The following ZNF264 variants were observed in gnomAD, a reference collection of about 807,000 sequenced individuals.
The protein encoded by ZNF264 is zinc finger protein 264.
A neutral mutation model predicts 11.2 loss-of-function variants in ZNF264; 11 were observed. The observed-to-expected ratio is 0.98, with a 90% confidence interval of 0.62 to 1.63. The LOEUF is 1.63. ZNF264 is among the 40% of genes most tolerant of loss of function. The probability of loss-of-function intolerance (pLI) is 0.00; values close to 1 mark genes in which losing one functional copy is unlikely to be tolerated. For missense variants in ZNF264, 752 were observed against 768.1 expected (o/e 0.98, Z 0.25); for synonymous variants, 309 against 279.8 (o/e 1.10, Z -1.04).
At chr19:57,207,520 A>G (rs1191498212) in intron 3 of ZNF264, among the ~76,000 whole-genome samples, 1 of 135,474 alleles carries the variant, frequency 7.4e-6, no homozygotes, top group Non-Finnish European at 1.6e-5. Flanking sequence ...ACCTAAAAAT[A>G]TGCTTGTTTC....
intron 2 of ZNF264, among the ~76,000 whole-genome samples, chr19:57,203,181 C>G (rs1310509900): frequency 6.6e-6 from 1 of 152,090 alleles, no homozygotes; most frequent in Admixed American, 6.6e-5. Context: ...TGAGTAATTT[C>G]AGTGAGGTTT....
chr19:57,219,144 C>T lies in ZNF264; in HGVS notation c.*6163C>T, dbSNP rs181866930. ...CTGCACTCCAGCCTGGGCAACAGAG[C>T]GAGACTCCATCTCAAAAAAAAAAAA... is the stretch of plus-strand genomic sequence containing the variant. On this transcript the variant is annotated 3_prime_UTR_variant, in exon 4 of 4. Coordinates refer to ENST00000263095, the MANE Select transcript of ZNF264 (RefSeq NM_003417.5). 9.9e-4 allele frequency: 150 copies of T among 152,020 alleles called. No homozygotes were observed. Among genetic ancestry groups the T allele is most frequent in the African/African-American group, 2.7e-3 (113 of 41,254 alleles). 9.4% of individuals were successfully genotyped at this position (152,020 alleles called of 1,614,324 possible).
intron 2 of ZNF264, among the ~76,000 whole-genome samples, chr19:57,199,253 T>C (rs2087234183): frequency 6.6e-6 from 1 of 152,004 alleles, no homozygotes; most frequent in Non-Finnish European, 1.5e-5. Flanking sequence ...TTCCAACTGC[T>C]GGATCTGGCA....
At position 57,191,896 on chromosome 19, in the gene ZNF264, G is replaced by A. The variant is rs775439838; in HGVS notation, c.-18G>A. 31 of 1,457,516 alleles carry A rather than the reference G, an allele frequency of 2.1e-5. No homozygotes were observed. Among genetic ancestry groups the A allele is most frequent in the Admixed American group, 4.4e-5 (2 of 45,050 alleles). The allele number at this position is 1,457,516 out of a possible 1,614,324, so 90.3% of individuals were successfully genotyped here. On this transcript the variant is annotated 5_prime_UTR_variant, in exon 1 of 4. Transcript: ENST00000263095. ...CGGGGCTCCTCTGTCCCAGCTCTGC[G>A]GCCCAGGGGGTGACGTGATGGCGGC... is the stretch of plus-strand genomic sequence containing the variant.
At chr19:57,205,982 G>T (rs1250559273) in intron 3 of ZNF264, among the ~76,000 whole-genome samples, 1 of 152,198 alleles carries the variant, frequency 6.6e-6, no homozygotes, top group African/African-American at 2.4e-5. Flanking sequence ...CAGGACCCAG[G>T]TTCCTTCTGT....
At position 57,191,929 on chromosome 19, in the gene ZNF264, C is replaced by T. The variant is rs758040216; in HGVS notation, c.16C>T (p.Leu6=). 1.3e-6 allele frequency: 2 copies of T among 1,534,748 alleles called. No homozygotes were observed. Among genetic ancestry groups the T allele is most frequent in the African/African-American group, 2.8e-5 (2 of 71,180 alleles). Residue 6 remains leucine, a synonymous_variant, in exon 1 of 4, where the codon CTG becomes TTG. Coordinates refer to ENST00000263095, the MANE Select transcript of ZNF264 (RefSeq NM_003417.5). MAAAV[L]TDRAQVSVTF... is the part of the protein sequence containing the mutation. ...GGGTGACGTGATGGCGGCAGCGGTG[C>T]TGACGGACCGGGCCCAGGTGAGTGG... is the stretch of plus-strand genomic sequence containing the variant.
Position 57,214,094 on chromosome 19 carries a change from TG to T in ZNF264, c.*1114del, listed in dbSNP as rs2087361915. On this transcript the variant is annotated 3_prime_UTR_variant, in exon 4 of 4. Coordinates refer to ENST00000263095, the MANE Select transcript of ZNF264 (RefSeq NM_003417.5). ...TTGTTTTGCTACCCTGCAACCTTAT[TG>T]AGTTCACTTATTATTTTTAGCTATT... The T allele has an allele frequency of 6.6e-6, 1 of 152,216 alleles. No homozygotes were observed. The highest frequency in any genetic ancestry group is 6.5e-5 in the Admixed American group (1 of 15,280). The allele number at this position is 152,216 out of a possible 1,614,324, so 9.4% of individuals were successfully genotyped here.
At chr19:57,200,510 G>A (rs1489401635) in intron 2 of ZNF264, among the ~76,000 whole-genome samples, 2 of 149,038 alleles carry the variant, frequency 1.3e-5, no homozygotes, top group Non-Finnish European at 3.0e-5. Context: ...CCCGACCTTT[G>A]GGTCTTGTCT....
rs752194510 is a variant in ZNF264 at position 57,211,767 on chromosome 19, A to T, written c.670A>T (p.Ile224Phe). The change falls in exon 4 of 4, where the codon ATT (isoleucine) becomes TTT (phenylalanine). Residue 224 changes from isoleucine (I) to phenylalanine (F), a missense_variant. Physicochemically the swap from Ile to Phe is conservative, Grantham distance 21 (BLOSUM62 0). Transcript: ENST00000263095. ...ACACCTCCTTGCTGGACATGAGAAA[A>T]TTCACTCTGGAGTTAAGCCCTATGA... ...KKHLLAGHEK[I>F]HSGVKPYECT... The T allele has an allele frequency of 1.2e-5, 20 of 1,614,096 alleles. No individual in the cohort carries two copies. Among genetic ancestry groups the T allele is most frequent in the Non-Finnish European group, 1.6e-5 (19 of 1,180,050 alleles).
intron 3 of ZNF264, among the ~76,000 whole-genome samples, chr19:57,206,256 T>C (rs1020418024): frequency 6.6e-6 from 1 of 152,148 alleles, no homozygotes; most frequent in African/African-American, 2.4e-5. Context: ...AAATCTTTTT[T>C]TTTTTGAGAC....
At chr19:57,204,450 A>G (rs905552125) in intron 2 of ZNF264, among the ~76,000 whole-genome samples, 10 of 152,158 alleles carry the variant, frequency 6.6e-5, no homozygotes, top group Admixed American at 5.9e-4. Context: ...GGTTTTTCCC[A>G]TGGTGTTGTC....
At chr19:57,207,220 C>G (rs1256183250) in intron 3 of ZNF264, among the ~76,000 whole-genome samples, 5 of 152,146 alleles carry the variant, frequency 3.3e-5, no homozygotes, top group African/African-American at 1.2e-4. Context: ...AACCCCTCCA[C>G]CTCCATGAGT....
chr19:57,200,544 CTCTTGTG>C (rs1423712633), intron 2 of ZNF264, among the ~76,000 whole-genome samples: 3 of 86,868 alleles, frequency 3.5e-5, no homozygotes, highest in Non-Finnish European at 6.6e-5. Context: ...TGTCTCTTGT[CTCTTGTG>C]TCTTGTGTCT....
At chr19:57,204,852 G>A (rs776857543) in intron 2 of ZNF264, among the ~76,000 whole-genome samples, 25 of 152,124 alleles carry the variant, frequency 1.6e-4, no homozygotes, top group African/African-American at 5.3e-4. Flanking sequence ...GGAGCTTTGT[G>A]GTTAAACAGC....
chr19:57,197,743 G>A (rs920004382), intron 2 of ZNF264, among the ~76,000 whole-genome samples: 4 of 151,976 alleles, frequency 2.6e-5, no homozygotes, highest in African/African-American at 9.7e-5. Flanking sequence ...TTTCTTGATT[G>A]TAGGAGGGAC....
chr19:57,194,657 C>T (rs1456966847), intron 2 of ZNF264: 44 of 386,958 alleles, frequency 1.1e-4, no homozygotes. Flanking sequence ...TGTATTTCTG[C>T]CTACTTTATA....
At position 57,207,353 on chromosome 19, in the gene ZNF264, A is replaced by ATGATC. The variant is rs1176566510; in HGVS notation, c.256+1861_256+1862insTGATC. Among the ~76,000 whole-genome samples, 11 of 152,262 alleles carry ATGATC rather than the reference A, an allele frequency of 7.2e-5. No individual in the cohort carries two copies. The East Asian group carries it at 2.1e-3, about 30-fold the overall frequency. ...GTCTCCTGTCTTGTATTGCTTGATC[A>ATGATC]GCAGCCCTTACATGTTCATCTCAAC... On this transcript the variant is annotated intron_variant, in intron 3 of 3. Coordinates refer to ENST00000263095, the MANE Select transcript of ZNF264 (RefSeq NM_003417.5).
rs1482487748 is a variant in ZNF264 at position 57,222,383 on chromosome 19, TAA to T, written c.*9403_*9404del. 6.7e-6 allele frequency: 1 copy of T among 150,028 alleles called. No homozygotes were observed. Among genetic ancestry groups the T allele is most frequent in the Admixed American group, 6.6e-5 (1 of 15,046 alleles). The allele number at this position is 150,028 out of a possible 1,614,324, so 9.3% of individuals were successfully genotyped here. A position where few individuals can be genotyped will look rare whatever the true frequency, so the allele number is the denominator to read the frequency against. On this transcript the variant is annotated 3_prime_UTR_variant, in exon 4 of 4. Coordinates refer to ENST00000263095, the MANE Select transcript of ZNF264 (RefSeq NM_003417.5). ...AAAAAAAAAAATGCCTCAGTTTTGT[TAA>T]GAGGAAAAAGCAAATCCTAAGTTAC...
intron 3 of ZNF264, among the ~76,000 whole-genome samples, chr19:57,205,823 C>T (rs2087287974): frequency 6.6e-6 from 1 of 152,152 alleles, no homozygotes; most frequent in South Asian, 2.1e-4. Context: ...TGCAGGATCT[C>T]CTGTCTTTGT....
Sources: gnomAD v4.1 joint callset for allele counts (sites outside exome capture counted in the v4.1 genomes callset) on GRCh38, gnomAD v4.1.1 for gene constraint, MANE v1.5 for transcripts, NCBI Gene and HGNC (gene_info 2026-07-23, HGNC 2026-07-21) for gene names.